Variants in TRPV5 observed in about 807,000 individuals in gnomAD.
The protein encoded by TRPV5 is calcium transport protein 2.
In TRPV5, 66 loss-of-function variants were observed where a neutral mutation model predicts 74.1. The observed-to-expected ratio is 0.89, with a 90% confidence interval of 0.73 to 1.09. TRPV5 has a LOEUF of 1.09. Among genes scored for constraint, TRPV5 ranks in the 50% least tolerant of loss-of-function variants. The pLI is 0.00. For synonymous variants in TRPV5, 399 were observed against 360.7 expected, an observed-to-expected ratio of 1.11 and a Z score of -1.20; for missense variants, 936 against 930.4, an observed-to-expected ratio of 1.01 and a Z score of -0.08.
At chr7:142,911,075 C>T (rs1282975394) in intron 13 of TRPV5, among the ~76,000 whole-genome samples, 1 of 152,300 alleles carries the variant, frequency 6.6e-6, no homozygotes, top group East Asian at 1.9e-4. Context: ...TTTTGCCTGG[C>T]ACCAGGAGCC....
intron 8 of TRPV5, among the ~76,000 whole-genome samples, chr7:142,919,048 G>C (rs541525411): frequency 6.6e-6 from 1 of 152,282 alleles, no homozygotes; most frequent in Non-Finnish European, 1.5e-5. Context: ...TTGTCAGAAT[G>C]CCTTCCTCCA....
chr7:142,909,573 C>T lies in TRPV5; in HGVS notation c.1812G>A (p.Leu604=), dbSNP rs920729183. 2 of 1,614,056 alleles carry T rather than the reference C, an allele frequency of 1.2e-6. No homozygotes were observed. Among genetic ancestry groups the T allele is most frequent in the Non-Finnish European group, 1.7e-6 (2 of 1,180,044 alleles). ...ACAGGCAGCGAGGCAGCTTCCGCTC[C>T]AGCATCACTGTGGTGGCCACGACCT... ...RAQVVATTVM[L]ERKLPRCLWP... The change falls in exon 14 of 15, where the codon CTG becomes CTA. Residue 604 remains leucine, a synonymous_variant. Transcript: ENST00000265310.
chr7:142,932,125 GA>G (rs1796106023), intron 1 of TRPV5, among the ~76,000 whole-genome samples: 1 of 152,124 alleles, frequency 6.6e-6, no homozygotes, highest in Non-Finnish European at 1.5e-5. Flanking sequence ...CTCACCCAGG[GA>G]ATCAGTCCCA....
rs1358082877 is a variant in TRPV5 at position 142,912,580 on chromosome 7, T to C, written c.1690A>G (p.Ile564Val). The change falls in exon 13 of 15, where the codon ATC becomes GTC. Residue 564 changes from isoleucine to valine, a missense_variant. Ile to Val is a conservative substitution (Grantham distance 29). Transcript: ENST00000265310. Reference protein sequence around the residue: ...MFSIVNFAFTIIATLLMLNLF... With the variant: ...MFSIVNFAFTVIATLLMLNLF... ...TTGAGCATGAGCAGTGTGGCAATGA[T>C]GGTGAAGGCGAAGTTGACAATGCTG... The C allele has an allele frequency of 1.2e-6, 2 of 1,614,152 alleles. No homozygotes were observed. The highest frequency in any genetic ancestry group is 8.5e-7 in the Non-Finnish European group (1 of 1,179,956).
Position 142,929,430 on chromosome 7 carries a change from A to C in TRPV5, c.485T>G (p.Phe162Cys). 1 of 1,613,864 alleles carries C rather than the reference A, an allele frequency of 6.2e-7. No individual in the cohort carries two copies. Residue 162 changes from phenylalanine (F) to cysteine (C), a missense_variant and splice_region_variant, in exon 4 of 15, where the codon TTT (phenylalanine) becomes TGT (cysteine). Transcript: ENST00000265310. ...FRHSPRNLIYFGEHPLSFAAC... is the reference protein window; with the variant it reads ...FRHSPRNLIYCGEHPLSFAAC... Reference sequence around the variant, plus strand: ...TTCAAGCCCAACCCTGCTCTCACCAAAGTAGATGAGGTTGCGGGGACTATG... The same window carrying C: ...TTCAAGCCCAACCCTGCTCTCACCACAGTAGATGAGGTTGCGGGGACTATG...
In TRPV5 at chr7:142,932,110, C is replaced by T. The variant is rs1586231574; in HGVS notation, c.128+1222G>A. 3.3e-5 allele frequency among the ~76,000 whole-genome samples: 5 copies of T among 152,244 alleles called. No individual in the cohort carries two copies. In the South Asian group the frequency reaches 8.3e-4, roughly 25 times the overall value. On this transcript the variant is annotated intron_variant, in intron 1 of 14. Coordinates refer to ENST00000265310, the MANE Select transcript of TRPV5 (RefSeq NM_019841.7). ...CCTTTGTGAGGAGTCAGTTCCCTGC[C>T]CCGTCTCACCCAGGGAATCAGTCCC...
At chr7:142,915,067 G>A (rs1402081273) in intron 10 of TRPV5, 21 bp from the exon 11 acceptor site, 2 of 1,611,446 alleles carry the variant, frequency 1.2e-6, no homozygotes, top group Non-Finnish European at 1.7e-6. Context: ...AGAAAGCAGA[G>A]AGTGAGAGAC....
chr7:142,911,436 T>C (rs1795702960), intron 13 of TRPV5, among the ~76,000 whole-genome samples: 1 of 152,232 alleles, frequency 6.6e-6, no homozygotes, highest in Non-Finnish European at 1.5e-5. Flanking sequence ...CTTCATCCTT[T>C]TCCCTCCTTC....
chr7:142,928,731 A>C lies in TRPV5; in HGVS notation c.722T>G (p.Leu241Arg), dbSNP rs1796030781. 6.2e-7 allele frequency: 1 copy of C among 1,614,170 alleles called. No homozygotes were observed. The highest frequency in any genetic ancestry group is 1.3e-5 in the African/African-American group (1 of 75,054). The change falls in exon 6 of 15, where the codon CTC (leucine) becomes CGC (arginine). Residue 241 changes from leucine to arginine, a missense_variant. By Grantham distance (102) the Leu-to-Arg change is moderately radical. Coordinates refer to ENST00000265310, the MANE Select transcript of TRPV5 (RefSeq NM_019841.7). Reference protein sequence around the residue: ...PLDLVPNHQGLTPFKLAGVEG... With the variant: ...PLDLVPNHQGRTPFKLAGVEG... ...CACTCCAGCCAGCTTGAAGGGGGTG[A>C]GACCCTGGTGATTGGGCACAAGGTC...
intron 6 of TRPV5, 124 bp from the exon 7 acceptor site, chr7:142,928,358 C>T (rs1355723715): frequency 9.6e-6 from 10 of 1,046,894 alleles, no homozygotes; most frequent in African/African-American, 1.6e-5. Flanking sequence ...ACCAGCAAAC[C>T]TCTGCATCTA....
chr7:142,927,942 C>T, intron 7 of TRPV5, 146 bp downstream of exon 7: 1 of 947,430 alleles, frequency 1.1e-6, no homozygotes. Flanking sequence ...ATTGGACTTT[C>T]CCCCATGTCC....
chr7:142,925,836 C>T lies in TRPV5; in HGVS notation c.910-95G>A, dbSNP rs114991198. ...AGAAGAGGCAGGGCAGCAACCATCA[C>T]TCACTCAGCTCATCAGTCACTTATT... On this transcript the variant is annotated intron_variant, in intron 7 of 14. Transcript: ENST00000265310. 7.6e-4 allele frequency: 763 copies of T among 1,004,932 alleles called. 9 individuals are homozygous for T. The African/African-American group carries it at 0.01, about 13-fold the overall frequency. 62.3% of individuals were successfully genotyped at this position (1,004,932 alleles called of 1,614,324 possible).
intron 8 of TRPV5, among the ~76,000 whole-genome samples, chr7:142,921,009 G>A (rs1795877483): frequency 6.6e-6 from 1 of 152,196 alleles, no homozygotes; most frequent in Non-Finnish European, 1.5e-5. Flanking sequence ...AATGTGCTGT[G>A]CTTGTTCCAC....
chr7:142,929,418 C>T lies in TRPV5; in HGVS notation c.487+10G>A. ...AGCCAACCATCCTTCAAGCCCAACC[C>T]TGCTCTCACCAAAGTAGATGAGGTT... On this transcript the variant is annotated intron_variant, in intron 4 of 14. Coordinates refer to ENST00000265310, the MANE Select transcript of TRPV5 (RefSeq NM_019841.7). The T allele has an allele frequency of 6.2e-7, 1 of 1,613,638 alleles. No homozygotes were observed. The highest frequency in any genetic ancestry group is 8.5e-7 in the Non-Finnish European group (1 of 1,179,606).
chr7:142,929,103 AGG>A lies in TRPV5; in HGVS notation c.503_504del (p.Ser168PhefsTer16), dbSNP rs757955944. ...TCCTCGCTGTTCACACAGGCAGCAA[AGG>A]ACAAAGGGTGCTCCCCTGTGGACAC... ...NLIYFGEHPL[S>X]FAACVNSEEI... is the part of the protein sequence containing the mutation. On this transcript the variant is annotated frameshift_variant, in exon 5 of 15. Coordinates refer to ENST00000265310, the MANE Select transcript of TRPV5 (RefSeq NM_019841.7). LOFTEE classifies it high-confidence loss of function. 5 of 1,613,948 alleles carry A rather than the reference AGG, an allele frequency of 3.1e-6. No individual in the cohort carries two copies. The Admixed American group carries it at 8.3e-5, about 27-fold the overall frequency.
chr7:142,908,423 G>A lies in TRPV5; in HGVS notation c.*91C>T. ...CACCCTCCCATGATTAACAGGCACA[G>A]AAGTTAGACACTTGCATAGGCAGAG... On this transcript the variant is annotated 3_prime_UTR_variant, in exon 15 of 15. Coordinates refer to ENST00000265310, the MANE Select transcript of TRPV5 (RefSeq NM_019841.7). 7.1e-7 allele frequency: 1 copy of A among 1,413,216 alleles called. No homozygotes were observed. The highest frequency in any genetic ancestry group is 9.8e-7 in the Non-Finnish European group (1 of 1,020,556). The allele number at this position is 1,413,216 out of a possible 1,614,324, so 87.5% of individuals were successfully genotyped here.
intron 8 of TRPV5, among the ~76,000 whole-genome samples, chr7:142,922,858 A>G (rs1795908721): frequency 6.6e-6 from 1 of 152,242 alleles, no homozygotes; most frequent in South Asian, 2.1e-4. Flanking sequence ...TCTCTAGTAA[A>G]GCAGAACTTT....
In TRPV5 at chr7:142,930,191, G is replaced by T. The variant is rs1563378398; in HGVS notation, c.227-11C>A. ...TCTCCCCCAGGGCTCCTGGATTGGAGTAAGACAGAGATGTTAGACACTTTT... is the reference window on the plus strand; with the variant it reads ...TCTCCCCCAGGGCTCCTGGATTGGATTAAGACAGAGATGTTAGACACTTTT... On this transcript the variant is annotated splice_polypyrimidine_tract_variant and intron_variant, in intron 2 of 14. Transcript: ENST00000265310. 2 of 1,611,614 alleles carry T rather than the reference G, an allele frequency of 1.2e-6. No individual in the cohort carries two copies. Among genetic ancestry groups the T allele is most frequent in the Non-Finnish European group, 1.7e-6 (2 of 1,179,264 alleles).
At chr7:142,911,629 G>A (rs578086919) in intron 13 of TRPV5, among the ~76,000 whole-genome samples, 67 of 152,130 alleles carry the variant, frequency 4.4e-4, no homozygotes, top group Non-Finnish European at 8.1e-4. Context: ...TTCACTTCAT[G>A]CCCGTCTTTC....
Sources: allele counts gnomAD v4.1 joint callset (sites outside exome capture counted in the v4.1 genomes callset), GRCh38; gene constraint gnomAD v4.1.1; transcripts MANE v1.5; gene names NCBI Gene and HGNC (gene_info 2026-07-23, HGNC 2026-07-21).